The following CAPN15 variants were observed in gnomAD, a reference collection of about 807,000 sequenced individuals.
CAPN15 encodes calpain-15.
Under a neutral mutation model 97.9 loss-of-function variants are expected in CAPN15, and 53 were observed. That is an observed-to-expected ratio of 0.54 (90% confidence interval 0.43 to 0.68). CAPN15 has a LOEUF of 0.68. Ranked by LOEUF, CAPN15 falls within the 30% of genes least tolerant of loss-of-function variation. The pLI is 0.00. For missense variants in CAPN15, 1,592 were observed against 1,589.8 expected, an observed-to-expected ratio of 1.00 and a Z score of -0.02; for synonymous variants, 922 against 722.5, an observed-to-expected ratio of 1.28 and a Z score of -4.43.
chr16:537,004 C>A, intron 3 of CAPN15: 1 of 407,008 alleles, frequency 2.5e-6, no homozygotes, highest in Non-Finnish European at 3.3e-6. Flanking sequence ...ACTCCTCTGG[C>A]AGCGGATCGG....
chr16:552,411 A>G lies in CAPN15; in HGVS notation c.2618A>G (p.Lys873Arg), dbSNP rs751145463. The change falls in exon 11 of 14, where the codon AAG becomes AGG. Residue 873 changes from lysine to arginine, a missense_variant. Around this residue, in one of 3 missense-constraint regions of CAPN15, gnomAD observed 644 missense variants for 699.6 expected, o/e 0.92. Transcript: ENST00000219611. The surrounding 1 kb of genome is among the most constrained non-coding windows in gnomAD (Gnocchi z 6.4). ...LSLGRLLAHS[K>R]RAVKKFVSCD... Reference sequence around the variant, plus strand: ...CTGGGCCGCCTCCTGGCCCACAGTAAGCGCGCGGTCAAGAAGTTCGTCAGC... The same window carrying G: ...CTGGGCCGCCTCCTGGCCCACAGTAGGCGCGCGGTCAAGAAGTTCGTCAGC... 6.2e-7 allele frequency: 1 copy of G among 1,605,060 alleles called. No homozygotes were observed. Among genetic ancestry groups the G allele is most frequent in the Non-Finnish European group, 8.5e-7 (1 of 1,175,980 alleles).
chr16:536,516 G>A (rs898907215), intron 3 of CAPN15, among the ~76,000 whole-genome samples: 30 of 151,940 alleles, frequency 2.0e-4, no homozygotes, highest in Non-Finnish European at 3.2e-4. Flanking sequence ...TCCGCCTCCC[G>A]GATTCAGGCC....
At chr16:533,768 G>T (rs1035418953) in intron 1 of CAPN15, among the ~76,000 whole-genome samples, 178 bp from the exon 2 acceptor site, 1 of 152,176 alleles carries the variant, frequency 6.6e-6, no homozygotes, top group Admixed American at 6.5e-5. Flanking sequence ...TGCCTTTGGC[G>T]CTCGGACAGA....
At position 549,400 on chromosome 16, in the gene CAPN15, G is replaced by A. The variant is rs1423120299; in HGVS notation, c.1771G>A (p.Gly591Ser). 2 of 1,599,336 alleles carry A rather than the reference G, an allele frequency of 1.3e-6. No homozygotes were observed. Among genetic ancestry groups the A allele is most frequent in the Non-Finnish European group, 1.7e-6 (2 of 1,178,748 alleles). The change falls in exon 6 of 14, where the codon GGC (glycine) becomes AGC (serine). Residue 591 changes from glycine (G) to serine (S), a missense_variant. By Grantham distance (56) the Gly-to-Ser change is moderately conservative (BLOSUM62 0). This residue lies in a region of CAPN15 where 65 missense variants were observed against 113.7 expected (regional missense o/e 0.57). Coordinates refer to ENST00000219611, the MANE Select transcript of CAPN15 (RefSeq NM_005632.3). ...GAYQVRLCKDGTWTTVLVDDM... is the reference protein window; with the variant it reads ...GAYQVRLCKDSTWTTVLVDDM... ...CTACCAGGTGCGGCTGTGCAAGGAC[G>A]GCACGTGGACCACGGTGCTGGTGGA...
At chr16:540,150 A>G in intron 3 of CAPN15, 2 of 985,426 alleles carry the variant, frequency 2.0e-6, no homozygotes, top group Non-Finnish European at 2.4e-6. Context: ...GCCAGAGGTG[A>G]CCAGGTCCGG....
At chr16:549,954 G>A in intron 7 of CAPN15, 116 bp downstream of exon 7, 2 of 865,546 alleles carry the variant, frequency 2.3e-6, no homozygotes, top group Non-Finnish European at 3.6e-6. Context: ...GGTGCCCCTG[G>A]CGTGGGCTGA....
At position 547,323 on chromosome 16, in the gene CAPN15, C is replaced by G. The variant is rs1275122197; in HGVS notation, c.485C>G (p.Ser162Cys). The G allele has an allele frequency of 4.6e-6, 7 of 1,534,716 alleles. No individual in the cohort carries two copies. The highest frequency in any genetic ancestry group is 6.1e-6 in the Non-Finnish European group (7 of 1,146,574). The change falls in exon 4 of 14, where the codon TCC (serine) becomes TGC (cysteine). Residue 162 changes from serine (S) to cysteine (C), a missense_variant. Ser to Cys is a moderately radical substitution (Grantham distance 112). This residue lies in a region of CAPN15 where 883 missense variants were observed against 776.6 expected (regional missense o/e 1.14). Coordinates refer to ENST00000219611, the MANE Select transcript of CAPN15 (RefSeq NM_005632.3). The part of the protein sequence containing the change: ...CTLHNTPVAS[S>C]CSVCGGPRRL... ...CTGCACAACACGCCCGTGGCCAGCT[C>G]CTGCTCCGTCTGCGGGGGCCCACGC...
chr16:547,544 T>C lies in CAPN15; in HGVS notation c.706T>C (p.Ser236Pro). The change falls in exon 4 of 14, where the codon TCG (serine) becomes CCG (proline). Residue 236 changes from serine (S) to proline (P), a missense_variant. This residue lies in a region of CAPN15 where 883 missense variants were observed against 776.6 expected (regional missense o/e 1.14). Transcript: ENST00000219611. The part of the protein sequence containing the change: ...PPRVPPFSPF[S>P]STLQNNPVPR... ...CAGGGTCCCGCCCTTCAGCCCCTTC[T>C]CGTCCACCCTGCAGAACAACCCCGT... 2 of 1,597,338 alleles carry C rather than the reference T, an allele frequency of 1.3e-6. No individual in the cohort carries two copies. The highest frequency in any genetic ancestry group is 1.7e-6 in the Non-Finnish European group (2 of 1,178,628).
At chr16:550,637 A>G (rs993079425) in intron 7 of CAPN15, among the ~76,000 whole-genome samples, 6 of 143,490 alleles carry the variant, frequency 4.2e-5, no homozygotes, top group Non-Finnish European at 6.1e-5. Context: ...ACCCCCTGTC[A>G]GTGAGGGTTC....
intron 3 of CAPN15, among the ~76,000 whole-genome samples, chr16:545,691 G>A (rs989513890): frequency 5.9e-5 from 9 of 152,204 alleles, no homozygotes; most frequent in Non-Finnish European, 1.2e-4. Context: ...CTTGCTAGTC[G>A]GTGACAACTA....
chr16:535,632 C>CG lies in CAPN15; in HGVS notation c.-136-393dup, dbSNP rs1345054241. Among the ~76,000 whole-genome samples the CG allele has an allele frequency of 2.0e-5, 3 of 152,144 alleles. No individual in the cohort carries two copies. Among genetic ancestry groups the CG allele is most frequent in the African/African-American group, 7.2e-5 (3 of 41,432 alleles). ...GGGTCAGGCATGGATCCACACAGCC[C>CG]GGGGCCCTCCGCACCCTGCCCCTCC... On this transcript the variant is annotated intron_variant, in intron 2 of 13. Transcript: ENST00000219611. This position sits in a 1 kb window ranked among gnomAD's most constrained non-coding sequence, Gnocchi z 6.2.
Position 552,664 on chromosome 16 carries a change from G to C in CAPN15, c.2797G>C (p.Ala933Pro). The C allele has an allele frequency of 1.9e-6, 3 of 1,543,138 alleles. No individual in the cohort carries two copies. The highest frequency in any genetic ancestry group is 2.6e-6 in the Non-Finnish European group (3 of 1,145,800). ...ASPEPPGHVL[A>P]VYSSRLVMVE... ...CCCAGAGCCGCCGGGCCACGTGCTG[G>C]CTGTGTACAGCTCGAGGCTGGTCAT... The change falls in exon 12 of 14, where the codon GCT (alanine) becomes CCT (proline). Residue 933 changes from alanine (A) to proline (P), a missense_variant. Ala to Pro is a conservative substitution (Grantham distance 27). Transcript: ENST00000219611. This position sits in a 1 kb window ranked among gnomAD's most constrained non-coding sequence, Gnocchi z 6.4.
rs778754950 is a variant in CAPN15 at position 546,992 on chromosome 16, C to T, written c.154C>T (p.Arg52Cys). Residue 52 changes from arginine (R) to cysteine (C), a missense_variant, in exon 4 of 14, where the codon CGC becomes TGC. Physicochemically the swap from Arg to Cys is radical, Grantham distance 180. This residue lies in a region of CAPN15 where 883 missense variants were observed against 776.6 expected (regional missense o/e 1.14). Transcript: ENST00000219611. Reference sequence around the variant, plus strand: ...GGAGGAGCAGAAATGGCCCTGCGCCCGCTGCACCTTCCGCAACTTCCTGGG... The same window carrying T: ...GGAGGAGCAGAAATGGCCCTGCGCCTGCTGCACCTTCCGCAACTTCCTGGG... Reference protein sequence around the residue: ...SVEEQKWPCARCTFRNFLGKE... With the variant: ...SVEEQKWPCACCTFRNFLGKE... 4.3e-6 allele frequency: 7 copies of T among 1,610,206 alleles called. No homozygotes were observed. The highest frequency in any genetic ancestry group is 1.1e-5 in the South Asian group (1 of 91,078).
At position 549,705 on chromosome 16, in the gene CAPN15, A is replaced by G. The variant is rs1471122781; in HGVS notation, c.1933A>G (p.Ile645Val). ...CTTTGCGCTCCAGGCGGGCCGCGCC[A>G]TCGAAGGCCTGGCCACGCTCACCGG... ...SYFALQAGRA[I>V]EGLATLTGAP... The change falls in exon 7 of 14, where the codon ATC (isoleucine) becomes GTC (valine). Residue 645 changes from isoleucine (I) to valine (V), a missense_variant. Physicochemically the swap from Ile to Val is conservative, Grantham distance 29 (BLOSUM62 3). This residue lies in a region of CAPN15 where 644 missense variants were observed against 699.6 expected (regional missense o/e 0.92). Coordinates refer to ENST00000219611, the MANE Select transcript of CAPN15 (RefSeq NM_005632.3). The G allele has an allele frequency of 1.9e-6, 3 of 1,567,508 alleles. No individual in the cohort carries two copies. Among genetic ancestry groups the G allele is most frequent in the Admixed American group, 3.6e-5 (2 of 54,908 alleles).
chr16:549,062 A>T lies in CAPN15; in HGVS notation c.1519A>T (p.Ser507Cys). The change falls in exon 5 of 14, where the codon AGC becomes TGC. Residue 507 changes from serine (S) to cysteine (C), a missense_variant. Transcript: ENST00000219611. ...GTCTGTCGGCTTCCCCGCGGGTGACAGCGTGCAGCAGCGTGTGAGGCAGTG... is the reference window on the plus strand; with the variant it reads ...GTCTGTCGGCTTCCCCGCGGGTGACTGCGTGCAGCAGCGTGTGAGGCAGTG... ...PESVGFPAGD[S>C]VQQRVRQWLR... The T allele has an allele frequency of 6.2e-7, 1 of 1,612,696 alleles. No homozygotes were observed. Among genetic ancestry groups the T allele is most frequent in the Non-Finnish European group, 8.5e-7 (1 of 1,179,946 alleles).
chr16:538,637 C>T (rs988641909), intron 3 of CAPN15: 4 of 152,250 alleles, frequency 2.6e-5, no homozygotes, highest in African/African-American at 9.7e-5. Flanking sequence ...TTCTCTGTCT[C>T]ACCCCCTCAG....
At chr16:539,113 G>T (rs1375001827) in intron 3 of CAPN15, 1 of 152,342 alleles carries the variant, frequency 6.6e-6, no homozygotes, top group Non-Finnish European at 1.5e-5. Flanking sequence ...GCCCAGGCTG[G>T]TCTCAAACTC....
chr16:547,954 G>A lies in CAPN15; in HGVS notation c.1116G>A (p.Gln372=). The A allele has an allele frequency of 6.3e-7, 1 of 1,591,850 alleles. No individual in the cohort carries two copies. Among genetic ancestry groups the A allele is most frequent in the Non-Finnish European group, 8.5e-7 (1 of 1,170,558 alleles). Reference sequence around the variant, plus strand: ...GCTGCTCCAAACTGCACGGCTTCCAGGAGCATGGCGAGCCCCCCACCCACT... The same window carrying A: ...GCTGCTCCAAACTGCACGGCTTCCAAGAGCATGGCGAGCCCCCCACCCACT... ...ACGCSKLHGF[Q]EHGEPPTHCP... The change falls in exon 4 of 14, where the codon CAG becomes CAA. Residue 372 remains glutamine, a synonymous_variant. Coordinates refer to ENST00000219611, the MANE Select transcript of CAPN15 (RefSeq NM_005632.3).
chr16:552,539 C>A lies in CAPN15; in HGVS notation c.2737+9C>A, dbSNP rs749807667. 4.5e-5 allele frequency: 71 copies of A among 1,591,714 alleles called. No homozygotes were observed. The highest frequency in any genetic ancestry group is 6.8e-6 in the Non-Finnish European group (8 of 1,173,592). On this transcript the variant is annotated intron_variant, in intron 11 of 13. Coordinates refer to ENST00000219611, the MANE Select transcript of CAPN15 (RefSeq NM_005632.3). This position sits in a 1 kb window ranked among gnomAD's most constrained non-coding sequence, Gnocchi z 6.4. ...CACCCCTGCCCCCCAGGGTACGTGG[C>A]CCCTACCCCAGGCTCATGCCCCAGG...
Sources: gnomAD v4.1 joint callset for allele counts (sites outside exome capture counted in the v4.1 genomes callset) on GRCh38, gnomAD v4.1.1 for gene constraint, gnomAD v4.1.1 regional missense constraint, Gnocchi (gnomAD v3.1) non-coding constraint, MANE v1.5 for transcripts, NCBI Gene and HGNC (gene_info 2026-07-23, HGNC 2026-07-21) for gene names.